Variants in RNASEH2B observed in about 807,000 individuals in gnomAD.
RNASEH2B encodes the protein ribonuclease H2 subunit B.
In RNASEH2B, 36 loss-of-function variants were observed where a neutral mutation model predicts 45.0. The ratio of observed to expected loss-of-function variants is 0.80; its 90% CI spans 0.61 to 1.06. RNASEH2B has a LOEUF of 1.06. RNASEH2B is among the 50% of genes least tolerant of loss of function. RNASEH2B has a pLI of 0.00. For missense variants in RNASEH2B, 361 were observed against 360.3 expected (o/e 1.00, Z -0.02); for synonymous variants, 119 against 125.7 (o/e 0.95, Z 0.35).
rs145465454 is a variant in RNASEH2B, at chr13:50,929,540, G to C, written c.202G>C (p.Glu68Gln). 18 of 1,613,302 alleles carry C rather than the reference G, an allele frequency of 1.1e-5. No individual in the cohort carries two copies. In the Admixed American group the frequency reaches 1.7e-4, roughly 15 times the overall value. ...QQLFEVKVFK[E>Q]KHHSWFINQS... ...GCTGTTTGAAGTAAAAGTTTTCAAG[G>C]AAAAACACCATTCTTGGTTTATAAA... Residue 68 changes from glutamate to glutamine, a missense_variant, in exon 3 of 11, where the codon GAA (glutamate) becomes CAA (glutamine). By Grantham distance (29) the Glu-to-Gln change is conservative (BLOSUM62 2). Coordinates refer to ENST00000336617, the MANE Select transcript of RNASEH2B (RefSeq NM_024570.4).
At chr13:50,929,832 T>C (rs1803582587) in intron 3 of RNASEH2B, among the ~76,000 whole-genome samples, 1 of 152,188 alleles carries the variant, frequency 6.6e-6, no homozygotes, top group African/African-American at 2.4e-5. Context: ...CCTAAAACAG[T>C]GACACATCCT....
At chr13:50,957,885 G>A (rs922217723), downstream of RNASEH2B, among the ~76,000 whole-genome samples, 1 of 152,030 alleles carries the variant, frequency 6.6e-6, no homozygotes, top group African/African-American at 2.4e-5. Context: ...TAATATGTTT[G>A]TGATCACTTG....
intron 7 of RNASEH2B, among the ~76,000 whole-genome samples, chr13:50,946,709 G>C (rs561715208): frequency 2.3e-4 from 35 of 152,262 alleles, no homozygotes; most frequent in African/African-American, 8.4e-4. Flanking sequence ...TAAGTCTAGT[G>C]CTTTTACCAG....
intron 1 of RNASEH2B, among the ~76,000 whole-genome samples, chr13:50,914,595 C>G (rs1229076114): frequency 6.6e-6 from 1 of 152,174 alleles, no homozygotes; most frequent in Non-Finnish European, 1.5e-5. Context: ...TGGGACCCGA[C>G]TGACCTTTCT....
intron 1 of RNASEH2B, chr13:50,913,075 T>G (rs1879518024): frequency 6.6e-6 from 1 of 152,224 alleles, no homozygotes; most frequent in African/African-American, 2.4e-5. Flanking sequence ...ATATGCAGAC[T>G]TGGGACGTTG....
In RNASEH2B at chr13:50,956,403, G is replaced by A. The variant is rs201190805; in HGVS notation, c.868G>A (p.Asp290Asn). 620 of 1,603,328 alleles carry A rather than the reference G, an allele frequency of 3.9e-4. No individual in the cohort carries two copies. Among genetic ancestry groups the A allele is most frequent in the Non-Finnish European group, 4.2e-4 (498 of 1,173,196 alleles). Residue 290 changes from aspartate (D) to asparagine (N), a missense_variant, in exon 11 of 11, where the codon GAC becomes AAC. Coordinates refer to ENST00000336617, the MANE Select transcript of RNASEH2B (RefSeq NM_024570.4). ...TAAQKALAKVDKSGMKSIDTF... is the reference protein window; with the variant it reads ...TAAQKALAKVNKSGMKSIDTF... ...AGCTCAGAAGGCTTTGGCTAAAGTT[G>A]ACAAGAGTGGAATGAAAAGTATTGA...
chr13:50,957,825 T>A (rs952000548), downstream of RNASEH2B, among the ~76,000 whole-genome samples: 3 of 152,226 alleles, frequency 2.0e-5, no homozygotes, highest in Admixed American at 2.0e-4. Context: ...GGTATCTCAT[T>A]GTGGTTTTCA....
chr13:50,967,784 T>C (rs980798816), intron 9 of RNASEH2B, among the ~76,000 whole-genome samples: 1 of 152,236 alleles, frequency 6.6e-6, no homozygotes, highest in African/African-American at 2.4e-5. Flanking sequence ...GTATTACATA[T>C]TTTCTCCCAA....
rs768565639 is a variant in RNASEH2B, at chr13:50,948,055, T to C, written c.685T>C (p.Ser229Pro). 6.2e-7 allele frequency: 1 copy of C among 1,611,504 alleles called. No homozygotes were observed. Among genetic ancestry groups the C allele is most frequent in the Admixed American group, 1.7e-5 (1 of 60,002 alleles). The change falls in exon 8 of 11, where the codon TCT becomes CCT. Residue 229 changes from serine to proline, a missense_variant. By Grantham distance (74) the Ser-to-Pro change is moderately conservative (BLOSUM62 -1). Coordinates refer to ENST00000336617, the MANE Select transcript of RNASEH2B (RefSeq NM_024570.4). ...CCCTAAAGAATTAAGTGATGACTTA[T>C]CTAAATACTTAAAGTGAGTATTGAT... ...YIPKELSDDLSKYLKLPEPSA... is the reference protein window; with the variant it reads ...YIPKELSDDLPKYLKLPEPSA...
chr13:50,965,441 C>CA (rs1330186730), intron 9 of RNASEH2B, among the ~76,000 whole-genome samples: 1 of 152,276 alleles, frequency 6.6e-6, no homozygotes, highest in Non-Finnish European at 1.5e-5. Context: ...ACTGTACATA[C>CA]ACAGCACCTA....
downstream of RNASEH2B, among the ~76,000 whole-genome samples, chr13:50,959,172 A>G (rs1952085403): frequency 6.6e-6 from 1 of 152,202 alleles, no homozygotes; most frequent in Admixed American, 6.5e-5. Flanking sequence ...CTAAATTATT[A>G]GAGTATCAAT....
At chr13:50,948,624 TGAAAAA>T (rs1451657194) in intron 8 of RNASEH2B, 1 of 152,378 alleles carries the variant, frequency 6.6e-6, no homozygotes, top group African/African-American at 2.4e-5. Flanking sequence ...GACTTTAAGT[TGAAAAA>T]GAAGTGTTAG....
chr13:50,954,520 A>C (rs2138021974), intron 10 of RNASEH2B: 1 of 155,944 alleles, frequency 6.4e-6, no homozygotes, highest in East Asian at 1.9e-4. Flanking sequence ...TCTTTGAAAA[A>C]ATATTCATGT....
At chr13:50,945,974 C>T (rs1304183966) in intron 7 of RNASEH2B, among the ~76,000 whole-genome samples, 1 of 152,144 alleles carries the variant, frequency 6.6e-6, no homozygotes, top group Non-Finnish European at 1.5e-5. Context: ...GAAGCCCACA[C>T]TTGTAATCTT....
At position 50,956,647 on chromosome 13, in the gene RNASEH2B, T is replaced by C; in HGVS notation, c.*173T>C. The stretch of plus-strand genomic sequence containing the variant: ...TTCCTGAACAAAATATGGGAAAGTG[T>C]CTAACTTCATGGCTATGGCCTTTTG... On this transcript the variant is annotated 3_prime_UTR_variant, in exon 11 of 11. Coordinates refer to ENST00000336617, the MANE Select transcript of RNASEH2B (RefSeq NM_024570.4). 4 of 1,401,196 alleles carry C rather than the reference T, an allele frequency of 2.9e-6. No individual in the cohort carries two copies. The highest frequency in any genetic ancestry group is 3.7e-6 in the Non-Finnish European group (4 of 1,072,344). 86.8% of individuals were successfully genotyped at this position (1,401,196 alleles called of 1,614,324 possible). A position where few individuals can be genotyped will look rare whatever the true frequency, so the allele number is the denominator to read the frequency against.
intron 1 of RNASEH2B, among the ~76,000 whole-genome samples, chr13:50,926,394 A>C (rs1481269836): frequency 6.6e-6 from 1 of 152,100 alleles, no homozygotes; most frequent in African/African-American, 2.4e-5. Flanking sequence ...CTTACTAATC[A>C]GAGCCCCATT....
intron 7 of RNASEH2B, 132 bp from the exon 8 acceptor site, chr13:50,947,855 T>C: frequency 6.9e-7 from 1 of 1,448,358 alleles, no homozygotes; most frequent in South Asian, 1.2e-5. Flanking sequence ...ATGAGAAAAC[T>C]GAGGCTAGAG....
At chr13:50,944,670 T>G (rs1951878742) in intron 6 of RNASEH2B, among the ~76,000 whole-genome samples, 1 of 152,110 alleles carries the variant, frequency 6.6e-6, no homozygotes, top group Non-Finnish European at 1.5e-5. Flanking sequence ...TTATTTGTCA[T>G]ACCATGTTAC....
intron 1 of RNASEH2B, 103 bp from the exon 2 acceptor site, chr13:50,927,304 T>C: frequency 1.3e-6 from 1 of 743,410 alleles, no homozygotes; most frequent in Non-Finnish European, 2.4e-6. Context: ...GTTAAAAATC[T>C]TACAAAAGTC....
Sources: allele counts gnomAD v4.1 joint callset (sites outside exome capture counted in the v4.1 genomes callset), GRCh38; gene constraint gnomAD v4.1.1; transcripts MANE v1.5; gene names NCBI Gene and HGNC (gene_info 2026-07-23, HGNC 2026-07-21).